Variants in THSD7A observed in about 807,000 individuals in gnomAD.
THSD7A encodes thrombospondin type 1 domain containing 7A.
A neutral mutation model predicts 231.3 loss-of-function variants in THSD7A; 96 were observed. That is an observed-to-expected ratio of 0.41 (90% CI 0.35 to 0.49). THSD7A has a LOEUF of 0.49. Among genes scored for constraint, THSD7A ranks in the 20% least tolerant of loss-of-function variants. THSD7A has a pLI of 0.05. For missense variants in THSD7A, 2,290 were observed against 2,070.2 expected (o/e 1.11, Z -2.06); for synonymous variants, 940 against 743.3 (o/e 1.26, Z -4.30).
intron 16 of THSD7A, among the ~76,000 whole-genome samples, chr7:11,422,967 A>G (rs1784200086): frequency 6.6e-6 from 1 of 152,094 alleles, no homozygotes; most frequent in Non-Finnish European, 1.5e-5. Flanking sequence ...TTTTTTTACT[A>G]ATGAAACAAC....
intron 8 of THSD7A, among the ~76,000 whole-genome samples, chr7:11,473,788 T>C (rs930201525): frequency 2.0e-5 from 3 of 152,132 alleles, no homozygotes; most frequent in African/African-American, 4.8e-5. Context: ...CTACTTATAA[T>C]AACACTCATC....
At chr7:11,624,938 G>A (rs964589763) in intron 2 of THSD7A, among the ~76,000 whole-genome samples, 4 of 152,030 alleles carry the variant, frequency 2.6e-5, no homozygotes, top group Admixed American at 2.0e-4. Flanking sequence ...AGATTAGAAT[G>A]CCAGAGAAGT....
At chr7:11,408,402 G>C (rs1178241944) in intron 19 of THSD7A, among the ~76,000 whole-genome samples, 1 of 151,860 alleles carries the variant, frequency 6.6e-6, no homozygotes, top group Non-Finnish European at 1.5e-5. Context: ...GGAGGCTGAG[G>C]CAGGAGAATT....
intron 1 of THSD7A, among the ~76,000 whole-genome samples, chr7:11,707,624 C>T (rs1584241984): frequency 6.6e-6 from 1 of 150,886 alleles, no homozygotes; most frequent in Non-Finnish European, 1.5e-5. Flanking sequence ...CCTCCCCAGA[C>T]AGGAGAGAAA....
At chr7:11,376,243 T>C (rs1782267020) in intron 27 of THSD7A, among the ~76,000 whole-genome samples, 1 of 152,120 alleles carries the variant, frequency 6.6e-6, no homozygotes. Context: ...TACTTGAATA[T>C]GATTAGGTAT....
chr7:11,378,243 G>A (rs1782358998), intron 26 of THSD7A: 1 of 152,080 alleles, frequency 6.6e-6, no homozygotes, highest in Non-Finnish European at 1.5e-5. Context: ...GCTCTGCCTG[G>A]AGATTACTTC....
chr7:11,811,579 G>A (rs947047405), intron 1 of THSD7A, among the ~76,000 whole-genome samples: 3 of 152,106 alleles, frequency 2.0e-5, no homozygotes, highest in Non-Finnish European at 4.4e-5. Context: ...AGTATCTTCA[G>A]AAAAGTCATT....
chr7:11,467,079 T>A (rs1298011263), intron 9 of THSD7A, among the ~76,000 whole-genome samples: 15 of 152,090 alleles, frequency 9.9e-5, no homozygotes, highest in Non-Finnish European at 8.8e-5. Flanking sequence ...TGATCTCTCA[T>A]CTTCAGTCTC....
At chr7:11,495,812 T>C (rs1216577501) in intron 6 of THSD7A, among the ~76,000 whole-genome samples, 1 of 152,140 alleles carries the variant, frequency 6.6e-6, no homozygotes, top group Non-Finnish European at 1.5e-5. Context: ...AATAATAAGC[T>C]ACTTTGCTTG....
In THSD7A at chr7:11,820,456, C is replaced by T. The variant is rs564971868; in HGVS notation, c.190+11301G>A. On this transcript the variant is annotated intron_variant, in intron 1 of 27. Coordinates refer to ENST00000423059, the MANE Select transcript of THSD7A (RefSeq NM_015204.3). ...GGTGCTTGATTTCCAGAACATGAACCGGCCCTGACCCGGAGGTCATCATGC... is the reference window on the plus strand; with the variant it reads ...GGTGCTTGATTTCCAGAACATGAACTGGCCCTGACCCGGAGGTCATCATGC... The T allele has an allele frequency of 3.9e-6, 5 of 1,270,562 alleles. No individual in the cohort carries two copies. The South Asian group carries it at 5.0e-5, about 13-fold the overall frequency. The allele number at this position is 1,270,562 out of a possible 1,614,324, so 78.7% of individuals were successfully genotyped here.
chr7:11,440,669 A>C (rs1181708069), intron 13 of THSD7A, among the ~76,000 whole-genome samples: 1 of 152,046 alleles, frequency 6.6e-6, no homozygotes, highest in Non-Finnish European at 1.5e-5. Context: ...TTAGAAGAGG[A>C]GTCTGAAGAT....
intron 1 of THSD7A, among the ~76,000 whole-genome samples, chr7:11,750,721 G>C (rs1042090432): frequency 2.6e-5 from 4 of 152,010 alleles, no homozygotes; most frequent in African/African-American, 9.7e-5. Flanking sequence ...TCCGGCACTT[G>C]TACAACTTCA....
intron 6 of THSD7A, among the ~76,000 whole-genome samples, chr7:11,506,556 C>A (rs751463205): frequency 2.0e-5 from 3 of 152,164 alleles, no homozygotes; most frequent in Non-Finnish European, 4.4e-5. Context: ...CTGTGGAAAC[C>A]TTCCAGTGGC....
At chr7:11,627,821 G>C (rs1027985820) in intron 2 of THSD7A, among the ~76,000 whole-genome samples, 18 of 152,102 alleles carry the variant, frequency 1.2e-4, no homozygotes, top group Non-Finnish European at 2.4e-4. Flanking sequence ...CTATCATTTT[G>C]AAATAAATAT....
chr7:11,564,958 G>A (rs1284508797), intron 4 of THSD7A, among the ~76,000 whole-genome samples: 4 of 152,104 alleles, frequency 2.6e-5, no homozygotes, highest in South Asian at 2.1e-4. Flanking sequence ...TTCACAAATT[G>A]TATCAACAGC....
At chr7:11,518,528 C>A (rs940385983) in intron 6 of THSD7A, among the ~76,000 whole-genome samples, 1 of 151,760 alleles carries the variant, frequency 6.6e-6, no homozygotes, top group East Asian at 1.9e-4. Flanking sequence ...ATGTAGTAAA[C>A]GAGGTAAGAC....
intron 1 of THSD7A, among the ~76,000 whole-genome samples, chr7:11,704,578 A>T (rs1174472515): frequency 6.6e-6 from 1 of 150,824 alleles, no homozygotes; most frequent in East Asian, 2.0e-4. Context: ...TAGCTATAGA[A>T]GTGTTTCATA....
At chr7:11,454,176 C>T (rs928898624) in intron 11 of THSD7A, among the ~76,000 whole-genome samples, 1 of 151,886 alleles carries the variant, frequency 6.6e-6, no homozygotes, top group Non-Finnish European at 1.5e-5. Context: ...GGGAAGATGC[C>T]TATTTCAAAG....
intron 1 of THSD7A, among the ~76,000 whole-genome samples, chr7:11,718,727 C>G (rs1043607792): frequency 2.6e-5 from 4 of 151,476 alleles, no homozygotes; most frequent in Non-Finnish European, 5.9e-5. Context: ...TCCACAGTCC[C>G]TTTAAAGTGG....
Sources: gnomAD v4.1 joint callset for allele counts (sites outside exome capture counted in the v4.1 genomes callset) on GRCh38, gnomAD v4.1.1 for gene constraint, MANE v1.5 for transcripts, NCBI Gene and HGNC (gene_info 2026-07-23, HGNC 2026-07-21) for gene names.